GRID2: variants seen among roughly 807,000 people sequenced by gnomAD.
GRID2 encodes glutamate receptor ionotropic, delta-2.
GRID2 carries 33 observed loss-of-function variants against 114.8 expected under a neutral mutation model. That is an observed-to-expected ratio of 0.29 (90% CI 0.22 to 0.38). The LOEUF (loss-of-function observed/expected upper bound fraction) is 0.38, where lower values mean the gene tolerates loss of function less well. GRID2 is among the 10% of genes least tolerant of loss of function. GRID2 has a pLI of 1.00. For missense variants in GRID2, 1,184 were observed against 1,257.7 expected, an observed-to-expected ratio of 0.94 and a Z score of 0.89; for synonymous variants, 505 against 449.9, an observed-to-expected ratio of 1.12 and a Z score of -1.55.
At chr4:92,343,882 A>G (rs887780782) in intron 1 of GRID2, among the ~76,000 whole-genome samples, 1 of 152,196 alleles carries the variant, frequency 6.6e-6, no homozygotes, top group African/African-American at 2.4e-5. Flanking sequence ...CTATATATGT[A>G]TTATATACTG....
At chr4:93,227,762 G>T (rs1410520248) in intron 7 of GRID2, among the ~76,000 whole-genome samples, 4 of 152,178 alleles carry the variant, frequency 2.6e-5, no homozygotes, top group Admixed American at 2.6e-4. Flanking sequence ...CAAAGTCCTA[G>T]AATATGGCCA....
At chr4:92,669,678 C>T (rs1035525561) in intron 2 of GRID2, among the ~76,000 whole-genome samples, 1 of 151,956 alleles carries the variant, frequency 6.6e-6, no homozygotes, top group Non-Finnish European at 1.5e-5. Context: ...TAATAGCGCC[C>T]TTTCCTTTAG....
intron 8 of GRID2, among the ~76,000 whole-genome samples, chr4:93,274,112 G>A (rs577380032): frequency 6.6e-6 from 1 of 152,126 alleles, no homozygotes; most frequent in Non-Finnish European, 1.5e-5. Context: ...AATAGCTGAT[G>A]TTATCGGAAT....
At chr4:92,645,773 T>C (rs549590417) in intron 2 of GRID2, among the ~76,000 whole-genome samples, 3 of 151,790 alleles carry the variant, frequency 2.0e-5, no homozygotes, top group African/African-American at 4.8e-5. Context: ...TTTGAGACTT[T>C]CCCATGTTTT....
intron 13 of GRID2, among the ~76,000 whole-genome samples, chr4:93,578,746 A>G (rs1736682065): frequency 6.6e-6 from 1 of 151,890 alleles, no homozygotes; most frequent in African/African-American, 2.4e-5. Flanking sequence ...GGCGTCCGCC[A>G]CCACGCCCAG....
intron 2 of GRID2, among the ~76,000 whole-genome samples, chr4:92,782,290 A>G (rs888292586): frequency 4.6e-5 from 7 of 152,100 alleles, no homozygotes; most frequent in African/African-American, 1.7e-4. Flanking sequence ...TATCATTAAT[A>G]TAATACTTTT....
chr4:92,969,674 G>T (rs1040357964), intron 2 of GRID2, among the ~76,000 whole-genome samples: 6 of 151,654 alleles, frequency 4.0e-5, no homozygotes, highest in Admixed American at 3.3e-4. Flanking sequence ...AAGCATTGGT[G>T]GATGTGCAAA....
intron 2 of GRID2, among the ~76,000 whole-genome samples, chr4:93,075,581 A>T (rs903298245): frequency 1.3e-5 from 2 of 152,200 alleles, no homozygotes; most frequent in Admixed American, 1.3e-4. Flanking sequence ...AATCCTACAG[A>T]AAAGGAAACT....
chr4:92,931,710 A>G (rs547899060), intron 2 of GRID2, among the ~76,000 whole-genome samples: 29 of 151,042 alleles, frequency 1.9e-4, no homozygotes, highest in Non-Finnish European at 3.1e-4. Context: ...TGAATACTTA[A>G]TATGATTTGA....
At chr4:93,530,165 A>G (rs952237540) in intron 13 of GRID2, among the ~76,000 whole-genome samples, 9 of 152,220 alleles carry the variant, frequency 5.9e-5, no homozygotes, top group South Asian at 2.1e-4. Context: ...ATCCTCCTGG[A>G]CTACAGAAAT....
intron 1 of GRID2, among the ~76,000 whole-genome samples, chr4:92,547,528 T>A (rs1726325603): frequency 6.6e-6 from 1 of 152,190 alleles, no homozygotes; most frequent in Non-Finnish European, 1.5e-5. Flanking sequence ...AAGTAAATGA[T>A]TTTGTGACAT....
chr4:93,069,253 A>G (rs997281274), intron 2 of GRID2, among the ~76,000 whole-genome samples: 2 of 146,046 alleles, frequency 1.4e-5, no homozygotes, highest in African/African-American at 5.3e-5. Flanking sequence ...ATTATATATT[A>G]TATATGTGTG....
chr4:93,005,383 G>A (rs1379433458), intron 2 of GRID2, among the ~76,000 whole-genome samples: 1 of 151,970 alleles, frequency 6.6e-6, no homozygotes, highest in African/African-American at 2.4e-5. Context: ...TGTGAATCCT[G>A]CTACTGTCCT....
intron 2 of GRID2, among the ~76,000 whole-genome samples, chr4:92,740,690 T>TAGATGATA (rs1553922534): frequency 6.6e-5 from 8 of 121,224 alleles, no homozygotes; most frequent in African/African-American, 9.2e-5. Flanking sequence ...GATAGATAGA[T>TAGATGATA]GATAGATAGA....
At chr4:93,644,912 A>G (rs911843884) in intron 14 of GRID2, among the ~76,000 whole-genome samples, 2 of 152,194 alleles carry the variant, frequency 1.3e-5, no homozygotes, top group African/African-American at 4.8e-5. Context: ...AAAGGAATTG[A>G]CTAGACGAGA....
At chr4:93,782,427 G>T (rs924271329) in intron 1 of GRID2, among the ~76,000 whole-genome samples, 1 of 152,148 alleles carries the variant, frequency 6.6e-6, no homozygotes, top group African/African-American at 2.4e-5. Context: ...TTGTTTGCCT[G>T]TAATTGTATG....
At chr4:93,359,510 T>C (rs1249154014) in intron 8 of GRID2, among the ~76,000 whole-genome samples, 1 of 151,612 alleles carries the variant, frequency 6.6e-6, no homozygotes, top group Non-Finnish European at 1.5e-5. Flanking sequence ...TGTTATCAAA[T>C]AGTAGGTCTT....
At chr4:92,761,345 C>CAGCTATTTG (rs1393271413) in intron 2 of GRID2, among the ~76,000 whole-genome samples, 6 of 151,992 alleles carry the variant, frequency 3.9e-5, no homozygotes, top group Non-Finnish European at 8.8e-5. Flanking sequence ...AAGTAATGAC[C>CAGCTATTTG]AGCTATTTGT....
intron 4 of GRID2, among the ~76,000 whole-genome samples, chr4:93,158,370 T>A (rs908366575): frequency 6.6e-6 from 1 of 151,816 alleles, no homozygotes; most frequent in Non-Finnish European, 1.5e-5. Context: ...AAGCCTCCAA[T>A]AGTACCATTA....
Sources: gnomAD v4.1 joint callset for allele counts (sites outside exome capture counted in the v4.1 genomes callset) on GRCh38, gnomAD v4.1.1 for gene constraint, MANE v1.5 for transcripts, NCBI Gene and HGNC (gene_info 2026-07-23, HGNC 2026-07-21) for gene names.